CERS6: variants seen among roughly 807,000 people sequenced by gnomAD.
CERS6 encodes the protein ceramide synthase 6.
In CERS6, 26 loss-of-function variants were observed where a neutral mutation model predicts 56.8. The observed-to-expected ratio is 0.46, with a 90% CI of 0.34 to 0.63. The LOEUF (loss-of-function observed/expected upper bound fraction) is 0.63. Among genes scored for constraint, CERS6 ranks in the 30% least tolerant of loss-of-function variants. The probability of loss-of-function intolerance (pLI) is 0.01; values close to 1 mark genes in which losing one functional copy is unlikely to be tolerated. For synonymous variants in CERS6, 164 were observed against 173.3 expected, an observed-to-expected ratio of 0.95 and a Z score of 0.42; for missense variants, 415 against 467.5, an observed-to-expected ratio of 0.89 and a Z score of 1.04.
chr2:168,517,513 A>AT (rs879511974), intron 1 of CERS6, among the ~76,000 whole-genome samples: 3,191 of 151,094 alleles, frequency 0.021, 120 homozygotes, highest in East Asian at 0.17. Context: ...AAATAAATAA[A>AT]TAAATAAATA....
At chr2:168,731,563 A>G (rs1161835522) in intron 8 of CERS6, among the ~76,000 whole-genome samples, 1 of 152,122 alleles carries the variant, frequency 6.6e-6, no homozygotes, top group Non-Finnish European at 1.5e-5. Flanking sequence ...TACAGCAATG[A>G]ATACTTCAAG....
At chr2:168,605,425 A>G (rs1684030021) in intron 3 of CERS6, among the ~76,000 whole-genome samples, 1 of 152,250 alleles carries the variant, frequency 6.6e-6, no homozygotes, top group Non-Finnish European at 1.5e-5. Context: ...GAAGCAGAGC[A>G]TAAGAGTTTG....
At chr2:168,469,615 G>C (rs1202323746) in intron 1 of CERS6, among the ~76,000 whole-genome samples, 1 of 152,034 alleles carries the variant, frequency 6.6e-6, no homozygotes, top group Non-Finnish European at 1.5e-5. Flanking sequence ...GATCTGCTTT[G>C]GGTACACGCA....
chr2:168,502,584 G>A (rs1030100586), intron 1 of CERS6, among the ~76,000 whole-genome samples: 3 of 152,152 alleles, frequency 2.0e-5, no homozygotes, highest in Non-Finnish European at 4.4e-5. Context: ...GCATCCAAGA[G>A]GGCCAAAACA....
At chr2:168,490,857 A>G (rs910431728) in intron 1 of CERS6, among the ~76,000 whole-genome samples, 1 of 152,232 alleles carries the variant, frequency 6.6e-6, no homozygotes, top group Non-Finnish European at 1.5e-5. Flanking sequence ...TATAATGTCA[A>G]CAGACCTTCC....
At chr2:168,614,889 C>T (rs1399517040) in intron 3 of CERS6, among the ~76,000 whole-genome samples, 2 of 152,090 alleles carry the variant, frequency 1.3e-5, no homozygotes, top group East Asian at 3.9e-4. Flanking sequence ...CTCTTCAAAG[C>T]GCCACCTCCT....
rs148836378 is a variant in CERS6 at position 168,690,745 on chromosome 2, A to G, written c.466-289A>G. 8.5e-5 allele frequency among the ~76,000 whole-genome samples: 13 copies of G among 152,268 alleles called. No homozygotes were observed. The East Asian group carries it at 2.5e-3, about 30-fold the overall frequency. On this transcript the variant is annotated intron_variant, in intron 4 of 9. Coordinates refer to ENST00000305747, the MANE Select transcript of CERS6 (RefSeq NM_203463.3). ...CCCCTGCTGTTGAGGCTGGTTATGT[A>G]GCAGGAATATGTCTAAGTGACCAGC...
At chr2:168,498,627 T>C in intron 1 of CERS6, among the ~76,000 whole-genome samples, 1 of 152,218 alleles carries the variant, frequency 6.6e-6, no homozygotes. Flanking sequence ...GTAAATATAT[T>C]ACAGTTAGGC....
intron 1 of CERS6, among the ~76,000 whole-genome samples, chr2:168,461,919 G>A (rs940114959): frequency 6.6e-6 from 1 of 152,190 alleles, no homozygotes; most frequent in Non-Finnish European, 1.5e-5. Flanking sequence ...AGGACAGGTG[G>A]CAGCAGAGGG....
chr2:168,538,127 C>G (rs572698478), intron 1 of CERS6, among the ~76,000 whole-genome samples: 2 of 152,154 alleles, frequency 1.3e-5, no homozygotes, highest in African/African-American at 4.8e-5. Context: ...CCTTGTTTTC[C>G]CCTTCTGTCT....
At position 168,666,214 on chromosome 2, in the gene CERS6, A is replaced by G. The variant is rs76177586; in HGVS notation, c.466-24820A>G. On this transcript the variant is annotated intron_variant, in intron 4 of 9. Coordinates refer to ENST00000305747, the MANE Select transcript of CERS6 (RefSeq NM_203463.3). Reference sequence around the variant, plus strand: ...TTAAGGTTCACTCTTAGTGTTGTATATTCTATGGATCTGGACAAATGTATA... The same window carrying G: ...TTAAGGTTCACTCTTAGTGTTGTATGTTCTATGGATCTGGACAAATGTATA... Among the ~76,000 whole-genome samples, 1,245 of 152,258 alleles carry G rather than the reference A, an allele frequency of 8.2e-3. 39 individuals carry two copies. Among genetic ancestry groups the G allele is most frequent in the Admixed American group, 0.058 (884 of 15,292 alleles).
intron 4 of CERS6, among the ~76,000 whole-genome samples, chr2:168,652,186 C>T (rs1685360285): frequency 6.6e-6 from 1 of 151,976 alleles, no homozygotes; most frequent in Non-Finnish European, 1.5e-5. Flanking sequence ...TCAACGAAAT[C>T]AGTCATTAGG....
At chr2:168,556,556 G>C (rs923359663) in intron 2 of CERS6, among the ~76,000 whole-genome samples, 1 of 152,014 alleles carries the variant, frequency 6.6e-6, no homozygotes, top group Non-Finnish European at 1.5e-5. Context: ...ACTAGCAAGA[G>C]AAAGAAAATA....
intron 4 of CERS6, among the ~76,000 whole-genome samples, chr2:168,634,286 A>G (rs1220686104): frequency 6.6e-6 from 1 of 152,234 alleles, no homozygotes; most frequent in Non-Finnish European, 1.5e-5. Context: ...TTTGTTAAAG[A>G]AGACCTAGAA....
At chr2:168,619,226 C>T (rs2105281958) in intron 3 of CERS6, among the ~76,000 whole-genome samples, 1 of 152,292 alleles carries the variant, frequency 6.6e-6, no homozygotes, top group East Asian at 1.9e-4. Context: ...GGATGAAGGA[C>T]TTAAATCTAA....
At chr2:168,493,088 C>T (rs946958883) in intron 1 of CERS6, among the ~76,000 whole-genome samples, 1 of 152,052 alleles carries the variant, frequency 6.6e-6, no homozygotes, top group African/African-American at 2.4e-5. Flanking sequence ...ATAAATTTTT[C>T]TCCATTTGTT....
At chr2:168,689,123 G>C (rs1384191544) in intron 4 of CERS6, among the ~76,000 whole-genome samples, 1 of 152,132 alleles carries the variant, frequency 6.6e-6, no homozygotes, top group Non-Finnish European at 1.5e-5. Flanking sequence ...TGAACATGAG[G>C]CCTTGCATTT....
chr2:168,489,471 A>ATT (rs77499015), intron 1 of CERS6, among the ~76,000 whole-genome samples: 22 of 135,166 alleles, frequency 1.6e-4, no homozygotes, highest in East Asian at 4.2e-4. Context: ...TTCTCCACCA[A>ATT]TTTTTTTTTT....
intron 3 of CERS6, among the ~76,000 whole-genome samples, chr2:168,593,549 TTTTG>T (rs1425589177): frequency 6.6e-6 from 1 of 152,080 alleles, no homozygotes; most frequent in African/African-American, 2.4e-5. Flanking sequence ...TTTTGTTTTG[TTTTG>T]TTTGTTTTCT....
Sources: gnomAD v4.1 joint callset for allele counts (sites outside exome capture counted in the v4.1 genomes callset) on GRCh38, gnomAD v4.1.1 for gene constraint, MANE v1.5 for transcripts, NCBI Gene and HGNC (gene_info 2026-07-23, HGNC 2026-07-21) for gene names.